The following NUDT5 variants were observed in gnomAD, a reference collection of about 807,000 sequenced individuals.
NUDT5 encodes the protein nudix hydrolase 5, also known as ADP-sugar pyrophosphatase.
A neutral mutation model predicts 34.1 loss-of-function variants in NUDT5; 21 were observed. The ratio of observed to expected loss-of-function variants is 0.62; its 90% CI spans 0.44 to 0.89. The LOEUF is 0.89. NUDT5 is among the 40% of genes least tolerant of loss of function. NUDT5 has a pLI of 0.00. For synonymous variants in NUDT5, 85 were observed against 97.6 expected, an observed-to-expected ratio of 0.87 and a Z score of 0.76; for missense variants, 249 against 274.8, an observed-to-expected ratio of 0.91 and a Z score of 0.66.
chr10:12,184,483 C>T, intron 3 of NUDT5: 14 of 1,550,606 alleles, frequency 9.0e-6, no homozygotes, highest in Middle Eastern at 3.3e-4. Flanking sequence ...TTCCATGAGG[C>T]AGGCACGTAC....
Position 12,182,148 on chromosome 10 carries a change from A to T in NUDT5, c.131+2741T>A, listed in dbSNP as rs1423206898. 7.3e-5 allele frequency among the ~76,000 whole-genome samples: 11 copies of T among 151,172 alleles called. No homozygotes were observed. The highest frequency in any genetic ancestry group is 1.5e-5 in the Non-Finnish European group (1 of 67,774). ...TGTCTCAGGGTAAAAAAAAAAAAAA[A>T]GAAGGATATAGCTGAGCTGAAGGGG... On this transcript the variant is annotated intron_variant, in intron 3 of 9. Coordinates refer to ENST00000491614, the MANE Select transcript of NUDT5 (RefSeq NM_014142.4). This position sits in a 1 kb window ranked among gnomAD's most constrained non-coding sequence, Gnocchi z 4.3.
At chr10:12,179,029 G>C in intron 4 of NUDT5, 54 bp downstream of exon 4, 2 of 1,446,120 alleles carry the variant, frequency 1.4e-6, no homozygotes, top group East Asian at 4.5e-5. Context: ...ACCCTCTTAC[G>C]ATCACAAGTG....
chr10:12,167,750 C>T lies in NUDT5; in HGVS notation c.612G>A (p.Leu204=), dbSNP rs754727331. ...DARVYSYALA[L]KHANAKPFEV... ...CAAATGGCTTTGCATTTGCATGTTT[C>T]AGTGCTAGAGCGTAGGAATAGACCC... Residue 204 remains leucine (L), a synonymous_variant, in exon 10 of 10, where the codon CTG becomes CTA. Transcript: ENST00000491614. The T allele has an allele frequency of 6.2e-6, 10 of 1,614,158 alleles. No individual in the cohort carries two copies. The highest frequency in any genetic ancestry group is 2.2e-5 in the South Asian group (2 of 91,086).
rs554245324 is a variant in NUDT5 at position 12,175,704 on chromosome 10, G to A, written c.290-1891C>T. Among the ~76,000 whole-genome samples, 10 of 151,534 alleles carry A rather than the reference G, an allele frequency of 6.6e-5. No homozygotes were observed. Among genetic ancestry groups the A allele is most frequent in the Non-Finnish European group, 1.2e-4 (8 of 67,852 alleles). On this transcript the variant is annotated intron_variant, in intron 5 of 9. Coordinates refer to ENST00000491614, the MANE Select transcript of NUDT5 (RefSeq NM_014142.4). This position sits in a 1 kb window ranked among gnomAD's most constrained non-coding sequence, Gnocchi z 4.8. ...TCTTAGCACTTTGGGAAGCTAAGGC[G>A]GGCAGATCACTTGAGCCAAGGAGTT... is the stretch of plus-strand genomic sequence containing the variant.
rs1381155887 is a variant in NUDT5 at position 12,177,800 on chromosome 10, G to A, written c.282C>T (p.Phe94=). 1.9e-6 allele frequency: 3 copies of A among 1,612,232 alleles called. No individual in the cohort carries two copies. The highest frequency in any genetic ancestry group is 8.5e-7 in the Non-Finnish European group (1 of 1,178,266). ...RPPMGGYCIE[F]PAGLIDDGET... is the part of the protein sequence containing the mutation. ...CGATGTTGAGTGACTCACCTGCAGG[G>A]AACTCTATGCAGTAGCCCCCCATTG... The change falls in exon 5 of 10, where the codon TTC becomes TTT. Residue 94 remains phenylalanine (F), a synonymous_variant. Coordinates refer to ENST00000491614, the MANE Select transcript of NUDT5 (RefSeq NM_014142.4).
Position 12,189,963 on chromosome 10 carries a change from C to T in NUDT5, c.-41-3631G>A, listed in dbSNP as rs201790881. On this transcript the variant is annotated intron_variant, in intron 1 of 9. Coordinates refer to ENST00000491614, the MANE Select transcript of NUDT5 (RefSeq NM_014142.4). ...GGCTGGAGTGCAGTGGCGCGATCTC[C>T]GCTCACTGCAAGCTCCGCCTCCTGG... Among the ~76,000 whole-genome samples, 222 of 151,040 alleles carry T rather than the reference C, an allele frequency of 1.5e-3. 2 individuals carry two copies. The highest frequency in any genetic ancestry group is 5.1e-3 in the African/African-American group (208 of 41,134).
At chr10:12,167,988 T>C in intron 9 of NUDT5, 177 bp from the exon 10 acceptor site, 5 of 1,205,402 alleles carry the variant, frequency 4.1e-6, no homozygotes, top group Non-Finnish European at 5.4e-6. Flanking sequence ...AAAGGCAAGA[T>C]TACATTCCTA....
At position 12,167,144 on chromosome 10, in the gene NUDT5, T is replaced by C. The variant is rs1834719092; in HGVS notation, c.*558A>G. 1 of 159,032 alleles carries C rather than the reference T, an allele frequency of 6.3e-6. No homozygotes were observed. The allele number at this position is 159,032 out of a possible 1,614,324, so 9.9% of individuals were successfully genotyped here. The stretch of plus-strand genomic sequence containing the variant: ...TAAAAGCTGGTTCAGCCTCAGTAAA[T>C]AGATGAACTGAAAACTAGTAGAGGA... On this transcript the variant is annotated 3_prime_UTR_variant, in exon 10 of 10. Transcript: ENST00000491614.
chr10:12,188,604 G>C lies in NUDT5; in HGVS notation c.-41-2272C>G, dbSNP rs577194291. ...AAATTAGCTGGACGTGGTGGGGTGC[G>C]CCTGTAGCCCCAACTACAGGGAAGG... On this transcript the variant is annotated intron_variant, in intron 1 of 9. Coordinates refer to ENST00000491614, the MANE Select transcript of NUDT5 (RefSeq NM_014142.4). 2.9e-3 allele frequency among the ~76,000 whole-genome samples: 446 copies of C among 152,140 alleles called. 3 individuals carry two copies. Among genetic ancestry groups the C allele is most frequent in the Non-Finnish European group, 4.7e-3 (322 of 67,972 alleles).
At position 12,184,288 on chromosome 10, in the gene NUDT5, G is replaced by GC. The variant is rs1381353874; in HGVS notation, c.131+600dup. On this transcript the variant is annotated intron_variant, in intron 3 of 9. Coordinates refer to ENST00000491614, the MANE Select transcript of NUDT5 (RefSeq NM_014142.4). ...TCTTGAACTCCTGACCTCAACCGAT[G>GC]CCCCCCGCCCCGGCCCCCACCCTTG... Among the ~76,000 whole-genome samples the GC allele has an allele frequency of 3.3e-5, 5 of 151,890 alleles. No homozygotes were observed. The East Asian group carries it at 5.8e-4, about 18-fold the overall frequency.
chr10:12,190,099 T>TAGTC (rs755902946), intron 1 of NUDT5, among the ~76,000 whole-genome samples: 4 of 152,236 alleles, frequency 2.6e-5, no homozygotes, highest in African/African-American at 7.2e-5. Context: ...TTCACCGTGT[T>TAGTC]AGGATGGTCT....
rs760790986 is a variant in NUDT5, at chr10:12,170,076, C to T, written c.550+641G>A. 1.0e-5 allele frequency: 16 copies of T among 1,599,790 alleles called. No individual in the cohort carries two copies. In the South Asian group the frequency reaches 1.5e-4, roughly 15 times the overall value. On this transcript the variant is annotated intron_variant, in intron 9 of 9. Transcript: ENST00000491614. This position sits in a 1 kb window ranked among gnomAD's most constrained non-coding sequence, Gnocchi z 4.9. Reference sequence around the variant, plus strand: ...ATCTCCTCGTCTCCACACAGTATCTCCTCATGTCTCCATACAGTATCTCCT... The same window carrying T: ...ATCTCCTCGTCTCCACACAGTATCTTCTCATGTCTCCATACAGTATCTCCT...
chr10:12,174,180 T>C (rs1178168930), intron 5 of NUDT5, among the ~76,000 whole-genome samples: 1 of 150,688 alleles, frequency 6.6e-6, no homozygotes, highest in Non-Finnish European at 1.5e-5. Flanking sequence ...CCCTCATTCT[T>C]GTAACACACC....
intron 3 of NUDT5, 50 bp downstream of exon 3, chr10:12,184,839 A>T: frequency 9.7e-7 from 1 of 1,033,940 alleles, no homozygotes; most frequent in African/African-American, 1.6e-5. Flanking sequence ...TCAACAGATA[A>T]CCTGAGAACC....
At chr10:12,190,313 A>G (rs1835201875) in intron 1 of NUDT5, among the ~76,000 whole-genome samples, 1 of 152,178 alleles carries the variant, frequency 6.6e-6, no homozygotes, top group Non-Finnish European at 1.5e-5. Context: ...TGGATGTGTA[A>G]TTCTCCAGAG....
rs1436024815 is a variant in NUDT5, at chr10:12,172,758, CACAT to C, written c.487+3_487+6del. ...CACCACCTTCATCACAGCCGACACA[CACAT>C]ACCTGGCTTTGGCTTCGGCCTTGCG... On this transcript the variant is annotated splice_donor_5th_base_variant and intron_variant, in intron 7 of 9. Coordinates refer to ENST00000491614, the MANE Select transcript of NUDT5 (RefSeq NM_014142.4). 1 of 1,606,074 alleles carries C rather than the reference CACAT, an allele frequency of 6.2e-7. No individual in the cohort carries two copies. Among genetic ancestry groups the C allele is most frequent in the South Asian group, 1.1e-5 (1 of 90,880 alleles).
chr10:12,172,734 A>C (rs998823107), intron 7 of NUDT5, 31 bp downstream of exon 7: 1 of 1,492,788 alleles, frequency 6.7e-7, no homozygotes, highest in Non-Finnish European at 9.4e-7. Flanking sequence ...ATGCAACCAC[A>C]CCACCTTCAT....
chr10:12,186,714 G>A (rs1028275869), intron 1 of NUDT5, among the ~76,000 whole-genome samples: 5 of 149,806 alleles, frequency 3.3e-5, no homozygotes, highest in South Asian at 2.1e-4. Context: ...TGCAACCTCC[G>A]CCTCCTGGGT....
Position 12,170,143 on chromosome 10 carries a change from T to G in NUDT5, c.550+574A>C. The G allele has an allele frequency of 1.2e-6, 2 of 1,612,638 alleles. No individual in the cohort carries two copies. The highest frequency in any genetic ancestry group is 1.7e-6 in the Non-Finnish European group (2 of 1,179,692). On this transcript the variant is annotated intron_variant, in intron 9 of 9. Transcript: ENST00000491614. This position sits in a 1 kb window ranked among gnomAD's most constrained non-coding sequence, Gnocchi z 4.9. Reference sequence around the variant, plus strand: ...AGGACTTTTCTCCCCATAAGCTTACTGTTTACAAAGTCTCTAAAAGATGGG... The same window carrying G: ...AGGACTTTTCTCCCCATAAGCTTACGGTTTACAAAGTCTCTAAAAGATGGG...
Sources: gnomAD v4.1 joint callset for allele counts (sites outside exome capture counted in the v4.1 genomes callset) on GRCh38, gnomAD v4.1.1 for gene constraint, Gnocchi (gnomAD v3.1) non-coding constraint, MANE v1.5 for transcripts, NCBI Gene and HGNC (gene_info 2026-07-23, HGNC 2026-07-21) for gene names.